The following THSD7B variants were observed in gnomAD, a reference collection of about 807,000 sequenced individuals.
THSD7B encodes the protein thrombospondin type-1 domain-containing protein 7B.
A neutral mutation model predicts 213.6 loss-of-function variants in THSD7B; 138 were observed. The observed-to-expected ratio is 0.65, with a 90% confidence interval of 0.56 to 0.74. The LOEUF is 0.74. THSD7B is among the 30% of genes least tolerant of loss of function. The probability of loss-of-function intolerance (pLI) is 0.00; values close to 1 mark genes in which losing one functional copy is unlikely to be tolerated. For missense variants in THSD7B, 1,931 were observed against 1,991.5 expected (o/e 0.97, Z 0.58); for synonymous variants, 742 against 687.0 (o/e 1.08, Z -1.25).
intron 7 of THSD7B, among the ~76,000 whole-genome samples, chr2:137,211,364 A>AGAGG (rs1170154123): frequency 9.9e-5 from 13 of 131,940 alleles, no homozygotes; most frequent in East Asian, 2.7e-4. Context: ...ACACACACAC[A>AGAGG]CGGAATATAT....
rs116789531 is a variant in THSD7B at position 136,875,593 on chromosome 2, C to T, written c.-35-6551C>T. On this transcript the variant is annotated intron_variant, in intron 1 of 27. Coordinates refer to ENST00000409968, the MANE Select transcript of THSD7B (RefSeq NM_001316349.2). ...AGATCAGTTTTTGGTTTCTTATTGG[C>T]ACTAGGCCTTGTTAGTGATAGCCAG... is the stretch of plus-strand genomic sequence containing the variant. Among the ~76,000 whole-genome samples the T allele has an allele frequency of 3.0e-3, 453 of 152,160 alleles. 1 individual carries two copies. The highest frequency in any genetic ancestry group is 0.01 in the African/African-American group (430 of 41,512).
chr2:137,579,357 A>T (rs1681527754), intron 17 of THSD7B, among the ~76,000 whole-genome samples: 1 of 152,158 alleles, frequency 6.6e-6, no homozygotes, highest in Admixed American at 6.5e-5. Flanking sequence ...AAACCAAAAC[A>T]TTGGTCCTTC....
At chr2:137,283,094 T>C (rs1683072225) in intron 12 of THSD7B, among the ~76,000 whole-genome samples, 1 of 152,192 alleles carries the variant, frequency 6.6e-6, no homozygotes, top group African/African-American at 2.4e-5. Context: ...ATCAGTGATT[T>C]GTCATTCTCC....
At chr2:137,612,681 T>C (rs1682310448) in intron 17 of THSD7B, among the ~76,000 whole-genome samples, 1 of 152,178 alleles carries the variant, frequency 6.6e-6, no homozygotes, top group Admixed American at 6.6e-5. Context: ...TATATTTGAC[T>C]AGGAACCCTG....
At chr2:136,854,224 T>A (rs1445653294) in intron 1 of THSD7B, among the ~76,000 whole-genome samples, 3 of 152,046 alleles carry the variant, frequency 2.0e-5, no homozygotes, top group African/African-American at 4.8e-5. Context: ...ACACACACAC[T>A]CTCACACACA....
intron 12 of THSD7B, among the ~76,000 whole-genome samples, chr2:137,305,059 T>C (rs1224197195): frequency 6.6e-6 from 1 of 152,094 alleles, no homozygotes; most frequent in Non-Finnish European, 1.5e-5. Flanking sequence ...ATATTTAATT[T>C]TGCTTGGGTT....
chr2:136,912,973 G>C (rs1558849659), intron 2 of THSD7B, among the ~76,000 whole-genome samples: 1 of 152,238 alleles, frequency 6.6e-6, no homozygotes, highest in Non-Finnish European at 1.5e-5. Flanking sequence ...CTGAGTAACA[G>C]ACAGAGATTG....
intron 3 of THSD7B, among the ~76,000 whole-genome samples, chr2:137,078,160 G>C (rs1687669767): frequency 6.6e-6 from 1 of 152,202 alleles, no homozygotes; most frequent in Admixed American, 6.5e-5. Context: ...ATTTCTGAGG[G>C]CTCTGTTCTG....
intron 2 of THSD7B, among the ~76,000 whole-genome samples, chr2:137,045,983 AACACAGAGAAGAGACTTTTT>A (rs1686962942): frequency 6.6e-6 from 1 of 152,144 alleles, no homozygotes; most frequent in Non-Finnish European, 1.5e-5. Context: ...AAACTGAGGA[AACACAGAGAAGAGACTTTTT>A]CTCTTCAACT....
intron 12 of THSD7B, among the ~76,000 whole-genome samples, chr2:137,357,933 C>T (rs561467963): frequency 8.7e-4 from 133 of 152,294 alleles, no homozygotes; most frequent in African/African-American, 3.0e-3. Context: ...CAATAGTCCC[C>T]TTCTGTGTTT....
chr2:137,311,653 A>G (rs1683910513), intron 12 of THSD7B, among the ~76,000 whole-genome samples: 1 of 151,972 alleles, frequency 6.6e-6, no homozygotes, highest in Non-Finnish European at 1.5e-5. Context: ...TGTCATAGAT[A>G]GCTCTTATTA....
chr2:137,042,143 G>C (rs1417217327), intron 2 of THSD7B, among the ~76,000 whole-genome samples: 2 of 152,120 alleles, frequency 1.3e-5, no homozygotes, highest in African/African-American at 4.8e-5. Flanking sequence ...TTGTGAACAT[G>C]TGGCAGATCT....
At chr2:137,134,069 A>G (rs1261549298) in intron 5 of THSD7B, among the ~76,000 whole-genome samples, 1 of 152,234 alleles carries the variant, frequency 6.6e-6, no homozygotes, top group Non-Finnish European at 1.5e-5. Context: ...TGTAAGTGCT[A>G]TATAAATGCT....
chr2:137,386,672 A>G (rs775811454), intron 12 of THSD7B, among the ~76,000 whole-genome samples: 12 of 152,294 alleles, frequency 7.9e-5, no homozygotes, highest in Non-Finnish European at 1.5e-4. Context: ...GGAGAACATT[A>G]TCATTTCTTT....
intron 14 of THSD7B, among the ~76,000 whole-genome samples, chr2:137,417,311 A>G (rs1276717963): frequency 6.6e-6 from 1 of 152,226 alleles, no homozygotes; most frequent in African/African-American, 2.4e-5. Context: ...TATATGAACA[A>G]GTTTATTTTG....
intron 14 of THSD7B, among the ~76,000 whole-genome samples, chr2:137,419,375 C>CTTTTTTTTTTTTTTTTTTTTTTTTTTTT (rs1558791227): frequency 1.0e-5 from 1 of 95,998 alleles, no homozygotes; most frequent in African/African-American, 2.7e-5. Context: ...GTCCTGAGTT[C>CTTTTTTTTTTTTTTTTTTTTTTTTTTTT]TTGTCCCACA....
rs78275242 is a variant in THSD7B, at chr2:136,794,679, C to T, written c.-36+28992C>T. On this transcript the variant is annotated intron_variant, in intron 1 of 27. Transcript: ENST00000409968. ...TGTGGATTCTGCAGTTGTTGAGTAT[C>T]GTTTTATACATATTTGATTAGGACA... 6.5e-3 allele frequency among the ~76,000 whole-genome samples: 983 copies of T among 151,924 alleles called. 19 individuals are homozygous for T. Among genetic ancestry groups the T allele is most frequent in the Admixed American group, 0.041 (620 of 15,226 alleles).
chr2:137,633,023 A>G (rs1682769487), intron 20 of THSD7B, among the ~76,000 whole-genome samples: 1 of 152,180 alleles, frequency 6.6e-6, no homozygotes, highest in African/African-American at 2.4e-5. Context: ...TGCTGCATCA[A>G]TACCACACAT....
chr2:137,439,216 G>C (rs1166375426), intron 14 of THSD7B, among the ~76,000 whole-genome samples: 1 of 152,020 alleles, frequency 6.6e-6, no homozygotes, highest in African/African-American at 2.4e-5. Flanking sequence ...CTGGTAATTT[G>C]ATACAGCAGT....
Sources: allele counts gnomAD v4.1 joint callset (sites outside exome capture counted in the v4.1 genomes callset), GRCh38; gene constraint gnomAD v4.1.1; transcripts MANE v1.5; gene names NCBI Gene and HGNC (gene_info 2026-07-23, HGNC 2026-07-21).